GABRA2: variants seen among roughly 807,000 people sequenced by gnomAD.
GABRA2 encodes gamma-aminobutyric acid receptor subunit alpha-2.
Under a neutral mutation model 48.7 loss-of-function variants are expected in GABRA2, and 16 were observed. That is an observed-to-expected ratio of 0.33 (90% confidence interval 0.22 to 0.50). The LOEUF is 0.50. GABRA2 is among the 20% of genes least tolerant of loss of function. The pLI, the probability that GABRA2 is intolerant of heterozygous loss-of-function variation, is 0.98. For missense variants in GABRA2, 275 were observed against 535.6 expected (o/e 0.51, Z 4.80); for synonymous variants, 185 against 184.5 (o/e 1.00, Z -0.02).
Position 46,390,024 on chromosome 4 carries a change from G to C in GABRA2, c.-300C>G, listed in dbSNP as rs1298730552. 2.3e-6 allele frequency: 2 copies of C among 886,002 alleles called. No homozygotes were observed. Among genetic ancestry groups the C allele is most frequent in the Non-Finnish European group, 2.7e-6 (2 of 748,734 alleles). 54.9% of individuals were successfully genotyped at this position (886,002 alleles called of 1,614,324 possible). A position where few individuals can be genotyped will look rare whatever the true frequency, so the allele number is the denominator to read the frequency against. On this transcript the variant is annotated 5_prime_UTR_variant, in exon 1 of 10. Coordinates refer to ENST00000381620, the MANE Select transcript of GABRA2 (RefSeq NM_000807.4). ...AGGAAGAGGAGGAGGAGGAAGAGGA[G>C]GAGGGGGAAAACGATGACAGGAGCT...
At chr4:46,272,543 A>C in intron 8 of GABRA2, among the ~76,000 whole-genome samples, 1 of 152,026 alleles carries the variant, frequency 6.6e-6, no homozygotes, top group East Asian at 1.9e-4. Context: ...AAATAAAAGT[A>C]CAAAACAACC....
chr4:46,359,986 G>C (rs1474781559), intron 3 of GABRA2, among the ~76,000 whole-genome samples: 1 of 151,990 alleles, frequency 6.6e-6, no homozygotes, highest in East Asian at 1.9e-4. Context: ...AGAGACAGGA[G>C]AGAAGAAGGA....
At position 46,349,451 on chromosome 4, in the gene GABRA2, T is replaced by C. The variant is rs530063958; in HGVS notation, c.188-16769A>G. Among the ~76,000 whole-genome samples the C allele has an allele frequency of 6.6e-5, 10 of 152,168 alleles. No homozygotes were observed. In the South Asian group the frequency reaches 2.1e-3, roughly 31 times the overall value. The stretch of plus-strand genomic sequence containing the variant: ...TAATTTACATGTAGGAAAATTGTTA[T>C]GATGGTACATTGCTGAATTACATTA... On this transcript the variant is annotated intron_variant, in intron 3 of 9. Transcript: ENST00000381620.
Position 46,249,173 on chromosome 4 carries a change from T to A in GABRA2, c.*1135A>T, listed in dbSNP as rs1297112610. Reference sequence around the variant, plus strand: ...TTCTGGTATACAAAGCTGTTGTAAATTTGAGTCAGCGAAATTTAAAGTTGC... The same window carrying A: ...TTCTGGTATACAAAGCTGTTGTAAAATTGAGTCAGCGAAATTTAAAGTTGC... On this transcript the variant is annotated 3_prime_UTR_variant, in exon 10 of 10. Coordinates refer to ENST00000381620, the MANE Select transcript of GABRA2 (RefSeq NM_000807.4). 1 of 151,374 alleles carries A rather than the reference T, an allele frequency of 6.6e-6. No individual in the cohort carries two copies. Among genetic ancestry groups the A allele is most frequent in the Non-Finnish European group, 1.5e-5 (1 of 67,634 alleles). The allele number at this position is 151,374 out of a possible 1,614,324, so 9.4% of individuals were successfully genotyped here. A position where few individuals can be genotyped will look rare whatever the true frequency, so the allele number is the denominator to read the frequency against.
intron 8 of GABRA2, among the ~76,000 whole-genome samples, chr4:46,290,625 C>T (rs962042066): frequency 1.3e-5 from 2 of 152,034 alleles, no homozygotes; most frequent in Non-Finnish European, 2.9e-5. Context: ...TTGCATTCTA[C>T]AATATCGTTA....
intron 4 of GABRA2, among the ~76,000 whole-genome samples, chr4:46,327,603 A>AT (rs1042850194): frequency 6.6e-6 from 1 of 152,050 alleles, no homozygotes; most frequent in Non-Finnish European, 1.5e-5. Flanking sequence ...AGGATAACAG[A>AT]TTAAGTTCAG....
chr4:46,264,289 T>C (rs1484540200), intron 8 of GABRA2, among the ~76,000 whole-genome samples: 1 of 152,096 alleles, frequency 6.6e-6, no homozygotes, highest in Non-Finnish European at 1.5e-5. Context: ...ACTTCTTCCT[T>C]TCCAATCTGT....
At chr4:46,276,282 C>A (rs976193735) in intron 8 of GABRA2, among the ~76,000 whole-genome samples, 1 of 152,002 alleles carries the variant, frequency 6.6e-6, no homozygotes, top group African/African-American at 2.4e-5. Flanking sequence ...GGGACATAGG[C>A]ATTTTTAAGC....
intron 3 of GABRA2, among the ~76,000 whole-genome samples, chr4:46,335,202 G>A (rs1284990015): frequency 6.6e-6 from 1 of 152,068 alleles, no homozygotes; most frequent in Non-Finnish European, 1.5e-5. Context: ...GAGATTATAT[G>A]AATGTAGGCT....
chr4:46,349,175 G>A (rs1734698779), intron 3 of GABRA2, among the ~76,000 whole-genome samples: 1 of 151,922 alleles, frequency 6.6e-6, no homozygotes, highest in South Asian at 2.1e-4. Flanking sequence ...AATTCTATAT[G>A]CACTGGGAAG....
At chr4:46,344,662 A>G (rs189957) in intron 3 of GABRA2, among the ~76,000 whole-genome samples, 70,395 of 151,508 alleles carry the variant, frequency 0.46, 16,543 homozygotes, top group East Asian at 0.56. Context: ...TTTCTAGCAC[A>G]CAGCCAGGAC....
At chr4:46,268,582 AATGTGAATT>A (rs1308533171) in intron 8 of GABRA2, among the ~76,000 whole-genome samples, 3 of 151,930 alleles carry the variant, frequency 2.0e-5, no homozygotes, top group Non-Finnish European at 2.9e-5. Context: ...TCTTGGTTGG[AATGTGAATT>A]ATGTGAATTA....
At chr4:46,366,385 A>T (rs1333622668) in intron 3 of GABRA2, 1 of 152,152 alleles carries the variant, frequency 6.6e-6, no homozygotes, top group Non-Finnish European at 1.5e-5. Context: ...ATACTTATCC[A>T]GATGCTAATG....
intron 3 of GABRA2, among the ~76,000 whole-genome samples, chr4:46,382,308 T>G (rs1716866344): frequency 1.3e-5 from 2 of 151,708 alleles, no homozygotes; most frequent in Non-Finnish European, 2.9e-5. Context: ...TTGGTCAGGG[T>G]TGACCTCGTT....
rs149826150 is a variant in GABRA2 at position 46,282,262 on chromosome 4, G to A, written c.857-20134C>T. On this transcript the variant is annotated intron_variant, in intron 8 of 9. Coordinates refer to ENST00000381620, the MANE Select transcript of GABRA2 (RefSeq NM_000807.4). ...TTCCCACTGGCTCAAGGAGTGGCCT[G>A]TGACCCAAGTCTTGCTAATAAGTGT... Among the ~76,000 whole-genome samples the A allele has an allele frequency of 4.2e-3, 644 of 152,222 alleles. 4 individuals carry two copies. Among genetic ancestry groups the A allele is most frequent in the African/African-American group, 0.015 (623 of 41,536 alleles).
intron 8 of GABRA2, among the ~76,000 whole-genome samples, chr4:46,266,081 T>C (rs1286807758): frequency 1.3e-5 from 2 of 151,968 alleles, no homozygotes; most frequent in East Asian, 3.9e-4. Context: ...AATGGCCTAA[T>C]GCATTATCTT....
chr4:46,269,180 AAG>A (rs1227970189), intron 8 of GABRA2, among the ~76,000 whole-genome samples: 1 of 151,896 alleles, frequency 6.6e-6, no homozygotes, highest in African/African-American at 2.4e-5. Flanking sequence ...CTATTTCACT[AAG>A]AGAGTATTTC....
At chr4:46,291,634 ACTGT>A (rs1247126551) in intron 8 of GABRA2, among the ~76,000 whole-genome samples, 1 of 151,994 alleles carries the variant, frequency 6.6e-6, no homozygotes, top group East Asian at 1.9e-4. Flanking sequence ...CAGGCTGAAC[ACTGT>A]CTGCCCTCAA....
chr4:46,266,553 G>A (rs525630), intron 8 of GABRA2, among the ~76,000 whole-genome samples: 88,278 of 150,120 alleles, frequency 0.59, 26,235 homozygotes, highest in South Asian at 0.76. Flanking sequence ...TGGTTGTTTC[G>A]AGATTCTCTA....
Sources: gnomAD v4.1 joint callset for allele counts (sites outside exome capture counted in the v4.1 genomes callset) on GRCh38, gnomAD v4.1.1 for gene constraint, MANE v1.5 for transcripts, NCBI Gene and HGNC (gene_info 2026-07-23, HGNC 2026-07-21) for gene names.